MAD1L1: variants seen among roughly 807,000 people sequenced by gnomAD.
MAD1L1 encodes mitotic spindle assembly checkpoint protein MAD1.
A neutral mutation model predicts 96.9 loss-of-function variants in MAD1L1; 95 were observed. The ratio of observed to expected loss-of-function variants is 0.98; its 90% confidence interval spans 0.83 to 1.16. The LOEUF (loss-of-function observed/expected upper bound fraction) is 1.16, where lower values mean the gene tolerates loss of function less well. Among genes scored for constraint, MAD1L1 ranks in the 50% most tolerant of loss-of-function variants. The pLI, the probability that MAD1L1 is intolerant of heterozygous loss-of-function variation, is 0.00. For missense variants in MAD1L1, 1,007 were observed against 954.4 expected (o/e 1.06, Z -0.73); for synonymous variants, 473 against 396.6 (o/e 1.19, Z -2.29).
intron 16 of MAD1L1, among the ~76,000 whole-genome samples, chr7:1,953,950 T>C (rs879421052): frequency 1.4e-4 from 21 of 152,124 alleles, no homozygotes; most frequent in African/African-American, 4.6e-4. Context: ...AAGGTCAGTG[T>C]CCTGCCCAGT....
intron 13 of MAD1L1, among the ~76,000 whole-genome samples, chr7:2,008,795 T>G (rs1363953359): frequency 9.1e-6 from 1 of 109,510 alleles, no homozygotes; most frequent in African/African-American, 2.8e-5. Context: ...CACGGCTCCA[T>G]CCCAAACAGC....
intron 12 of MAD1L1, among the ~76,000 whole-genome samples, chr7:2,023,859 G>A (rs539102911): frequency 1.3e-5 from 2 of 152,250 alleles, no homozygotes; most frequent in South Asian, 4.1e-4. Context: ...CGAGGCAGGA[G>A]AATCGCTTGA....
At chr7:2,014,356 G>T in intron 13 of MAD1L1, 146 bp downstream of exon 13, 1 of 1,043,586 alleles carries the variant, frequency 9.6e-7, no homozygotes, top group Non-Finnish European at 1.4e-6. Flanking sequence ...GAAGCAGCCC[G>T]TGGACACCCT....
At chr7:2,135,347 T>G (rs1482645022) in intron 11 of MAD1L1, among the ~76,000 whole-genome samples, 2 of 152,202 alleles carry the variant, frequency 1.3e-5, no homozygotes, top group Admixed American at 1.3e-4. Context: ...CTGAAGAGAT[T>G]TGTAAAAAGT....
At chr7:1,899,183 G>C (rs985832720) in intron 17 of MAD1L1, among the ~76,000 whole-genome samples, 3 of 152,364 alleles carry the variant, frequency 2.0e-5, no homozygotes, top group African/African-American at 7.2e-5. Context: ...CTGCTCTGCA[G>C]AGCCATCAGG....
intron 16 of MAD1L1, among the ~76,000 whole-genome samples, chr7:1,949,424 C>G (rs541227904): frequency 3.9e-5 from 6 of 152,330 alleles, no homozygotes; most frequent in African/African-American, 1.4e-4. Flanking sequence ...TGAACTCCAT[C>G]CCTGTCTGAG....
At chr7:2,161,428 G>C (rs943425355) in intron 10 of MAD1L1, among the ~76,000 whole-genome samples, 4 of 152,066 alleles carry the variant, frequency 2.6e-5, no homozygotes, top group Non-Finnish European at 4.4e-5. Flanking sequence ...CCAGCCTGGA[G>C]TGCAGTGGCG....
At chr7:2,028,114 C>T (rs938910992) in intron 12 of MAD1L1, among the ~76,000 whole-genome samples, 2 of 152,088 alleles carry the variant, frequency 1.3e-5, no homozygotes, top group African/African-American at 4.8e-5. Context: ...CATTATGAAA[C>T]AATTTCGAGA....
chr7:2,230,312 A>G (rs17791802), intron 2 of MAD1L1, 169 bp from the exon 3 acceptor site: 99,673 of 528,134 alleles, frequency 0.19, 10,711 homozygotes, highest in Middle Eastern at 0.26. Flanking sequence ...CCATGCTGCC[A>G]ATTTACCAGA....
chr7:1,907,463 G>A (rs1056344258), intron 17 of MAD1L1, among the ~76,000 whole-genome samples: 2 of 152,240 alleles, frequency 1.3e-5, no homozygotes, highest in Non-Finnish European at 2.9e-5. Flanking sequence ...CCACAAAAAG[G>A]GACTAATATT....
intron 1 of MAD1L1, among the ~76,000 whole-genome samples, chr7:2,231,065 C>T (rs1173301537): frequency 6.6e-6 from 1 of 152,186 alleles, no homozygotes; most frequent in African/African-American, 2.4e-5. Flanking sequence ...CTAATCCCAG[C>T]ACTTCGGGAG....
intron 18 of MAD1L1, among the ~76,000 whole-genome samples, chr7:1,855,503 T>C (rs1020992033): frequency 2.6e-5 from 4 of 151,910 alleles, no homozygotes; most frequent in African/African-American, 9.7e-5. Flanking sequence ...ATCTCCAGTC[T>C]CATCCCTCAC....
At chr7:2,166,693 G>C (rs1225118599) in intron 10 of MAD1L1, among the ~76,000 whole-genome samples, 2 of 152,250 alleles carry the variant, frequency 1.3e-5, no homozygotes, top group Non-Finnish European at 2.9e-5. Flanking sequence ...GCTTCCGGGA[G>C]GCGTGGCCCG....
At chr7:1,988,490 G>T (rs1053333952) in intron 14 of MAD1L1, among the ~76,000 whole-genome samples, 2 of 152,156 alleles carry the variant, frequency 1.3e-5, no homozygotes, top group East Asian at 3.9e-4. Context: ...CAGGCCTGGG[G>T]ACAAGACACT....
chr7:2,128,851 C>A (rs552499834), intron 11 of MAD1L1, among the ~76,000 whole-genome samples: 2 of 152,344 alleles, frequency 1.3e-5, no homozygotes, highest in South Asian at 4.1e-4. Context: ...GCCCCATCTT[C>A]AGCTCACACT....
chr7:2,011,146 C>T (rs573802357), intron 13 of MAD1L1, among the ~76,000 whole-genome samples: 103 of 152,180 alleles, frequency 6.8e-4, no homozygotes, highest in African/African-American at 2.4e-3. Flanking sequence ...ACCCCCCGAC[C>T]GTGAGGAGAA....
intron 14 of MAD1L1, among the ~76,000 whole-genome samples, chr7:1,994,062 C>T (rs1233477109): frequency 1.3e-5 from 2 of 152,238 alleles, no homozygotes; most frequent in African/African-American, 4.8e-5. Flanking sequence ...ACGGGCAGGT[C>T]ACTAATCCTG....
chr7:1,863,600 C>A (rs1382073614), intron 18 of MAD1L1, among the ~76,000 whole-genome samples: 1 of 152,222 alleles, frequency 6.6e-6, no homozygotes, highest in East Asian at 1.9e-4. Flanking sequence ...GAGACTTGGG[C>A]TTGCAGAGAC....
chr7:2,046,200 G>A (rs1241244005), intron 12 of MAD1L1, among the ~76,000 whole-genome samples: 1 of 152,154 alleles, frequency 6.6e-6, no homozygotes, highest in Non-Finnish European at 1.5e-5. Flanking sequence ...CCCTACAGAG[G>A]GGAGTCCCAT....
Sources: gnomAD v4.1 joint callset for allele counts (sites outside exome capture counted in the v4.1 genomes callset) on GRCh38, gnomAD v4.1.1 for gene constraint, MANE v1.5 for transcripts, NCBI Gene and HGNC (gene_info 2026-07-23, HGNC 2026-07-21) for gene names.